The following SPEF2 variants were observed in gnomAD, a reference collection of about 807,000 sequenced individuals.
The protein encoded by SPEF2 is sperm flagella and cilia-associated protein 2.
SPEF2 carries 187 observed loss-of-function variants against 224.6 expected under a neutral mutation model. That is an observed-to-expected ratio of 0.83 (90% CI 0.74 to 0.94). The LOEUF is 0.94. Ranked by LOEUF, SPEF2 falls within the 40% of genes least tolerant of loss-of-function variation. The pLI is 0.00. For missense variants in SPEF2, 2,170 were observed against 2,135.6 expected, an observed-to-expected ratio of 1.02 and a Z score of -0.32; for synonymous variants, 715 against 707.3, an observed-to-expected ratio of 1.01 and a Z score of -0.17.
At chr5:35,757,588 C>T (rs915875810) in intron 24 of SPEF2, among the ~76,000 whole-genome samples, 2 of 152,088 alleles carry the variant, frequency 1.3e-5, no homozygotes, top group Non-Finnish European at 2.9e-5. Context: ...TGTCATTCTG[C>T]AAGTTCTTAT....
chr5:35,787,845 C>A, intron 30 of SPEF2: 1 of 552,602 alleles, frequency 1.8e-6, no homozygotes, highest in South Asian at 2.7e-5. Flanking sequence ...CTTAAAATAA[C>A]AATGTGGAGT....
chr5:35,800,043 G>A lies in SPEF2; in HGVS notation c.4906G>A (p.Ala1636Thr). ...LDYTQMLLYFACHPDTVEGVY... is the reference protein window; with the variant it reads ...LDYTQMLLYFTCHPDTVEGVY... ...CTACACACAGATGCTGCTTTACTTTGCTTGCCACCCAGACACCGTGGAAGG... is the reference window on the plus strand; with the variant it reads ...CTACACACAGATGCTGCTTTACTTTACTTGCCACCCAGACACCGTGGAAGG... The change falls in exon 34 of 37, where the codon GCT (alanine) becomes ACT (threonine). Residue 1636 changes from alanine (A) to threonine (T), a missense_variant. Ala to Thr is a moderately conservative substitution (Grantham distance 58, BLOSUM62 0). Transcript: ENST00000356031. 1.2e-6 allele frequency: 2 copies of A among 1,614,092 alleles called. No homozygotes were observed. The highest frequency in any genetic ancestry group is 1.3e-5 in the African/African-American group (1 of 75,024).
intron 3 of SPEF2, among the ~76,000 whole-genome samples, chr5:35,643,224 A>G (rs905394488): frequency 6.6e-6 from 1 of 152,210 alleles, no homozygotes; most frequent in Admixed American, 6.5e-5. Context: ...TCAAGCGTCA[A>G]TAATTCATTC....
intron 21 of SPEF2, among the ~76,000 whole-genome samples, chr5:35,735,594 G>C (rs370710523): frequency 3.5e-4 from 53 of 152,306 alleles, no homozygotes; most frequent in African/African-American, 1.3e-3. Flanking sequence ...TTTCTTGATT[G>C]GAGAGGAAAT....
rs756097581 is a variant in SPEF2, at chr5:35,649,452, A to G, written c.791+27A>G. Reference sequence around the variant, plus strand: ...TGAGATGTGAGCTATTTTAAGAATTACAAAACCGCATTCTGTTCTACACAT... The same window carrying G: ...TGAGATGTGAGCTATTTTAAGAATTGCAAAACCGCATTCTGTTCTACACAT... On this transcript the variant is annotated intron_variant, in intron 6 of 36. Coordinates refer to ENST00000356031, the MANE Select transcript of SPEF2 (RefSeq NM_024867.4). 3.8e-5 allele frequency: 59 copies of G among 1,556,900 alleles called. No homozygotes were observed. The South Asian group carries it at 5.8e-4, about 15-fold the overall frequency.
chr5:35,661,233 A>T (rs1467436126), intron 8 of SPEF2, among the ~76,000 whole-genome samples: 2 of 128,768 alleles, frequency 1.6e-5, no homozygotes, highest in Non-Finnish European at 3.3e-5. Context: ...TGAAGAAAGG[A>T]GGTTTTTTTT....
At chr5:35,629,974 G>A (rs988726279) in intron 2 of SPEF2, among the ~76,000 whole-genome samples, 1 of 152,008 alleles carries the variant, frequency 6.6e-6, no homozygotes. Context: ...ATCCTCTGTT[G>A]GTATTCTTGG....
chr5:35,735,392 T>G (rs1746413388), intron 21 of SPEF2, among the ~76,000 whole-genome samples: 1 of 152,232 alleles, frequency 6.6e-6, no homozygotes, highest in Non-Finnish European at 1.5e-5. Context: ...GTGAATGTAG[T>G]CTGTCCTTCT....
At chr5:35,774,091 T>C in intron 28 of SPEF2, 70 bp downstream of exon 28, 2 of 1,555,698 alleles carry the variant, frequency 1.3e-6, no homozygotes, top group Non-Finnish European at 1.7e-6. Flanking sequence ...AGCCCACAAC[T>C]GGCTCATCAA....
At chr5:35,629,490 A>G (rs1398409146) in intron 2 of SPEF2, among the ~76,000 whole-genome samples, 2 of 152,122 alleles carry the variant, frequency 1.3e-5, no homozygotes, top group African/African-American at 4.8e-5. Flanking sequence ...GTGAAACAAC[A>G]TATAGTGCTT....
chr5:35,802,765 G>A (rs962166375), intron 34 of SPEF2, among the ~76,000 whole-genome samples: 5 of 152,190 alleles, frequency 3.3e-5, no homozygotes, highest in Non-Finnish European at 5.9e-5. Flanking sequence ...AGCTGGAGAG[G>A]ACCAGGCTGA....
chr5:35,705,106 A>G (rs2149577045), intron 17 of SPEF2, among the ~76,000 whole-genome samples: 1 of 152,164 alleles, frequency 6.6e-6, no homozygotes, highest in East Asian at 1.9e-4. Context: ...ATTTTATGAA[A>G]CCCTGAAAAG....
At chr5:35,717,131 A>G (rs1453731843) in intron 20 of SPEF2, among the ~76,000 whole-genome samples, 1 of 152,254 alleles carries the variant, frequency 6.6e-6, no homozygotes, top group African/African-American at 2.4e-5. Context: ...AAAGTTTTCA[A>G]TAATCAACTA....
rs905563480 is a variant in SPEF2 at position 35,740,414 on chromosome 5, G to A, written c.3330+147G>A. ...ACTATTAACCAGGTAACTTTCAAGA[G>A]CAGTGGCTTTTCCGCACTTTGAGTT... On this transcript the variant is annotated intron_variant, in intron 23 of 36. Coordinates refer to ENST00000356031, the MANE Select transcript of SPEF2 (RefSeq NM_024867.4). The A allele has an allele frequency of 1.5e-5, 16 of 1,065,480 alleles. No individual in the cohort carries two copies. The Admixed American group carries it at 3.4e-4, about 23-fold the overall frequency. 66.0% of individuals were successfully genotyped at this position (1,065,480 alleles called of 1,614,324 possible). A position where few individuals can be genotyped will look rare whatever the true frequency, so the allele number is the denominator to read the frequency against.
At chr5:35,622,718 C>T (rs1244371615) in intron 1 of SPEF2, among the ~76,000 whole-genome samples, 1 of 152,098 alleles carries the variant, frequency 6.6e-6, no homozygotes, top group Non-Finnish European at 1.5e-5. Flanking sequence ...TCCTGGCTAG[C>T]CTCGCAGCGT....
chr5:35,654,517 A>G (rs1748684322), intron 6 of SPEF2, 23 bp from the exon 7 acceptor site: 1 of 1,518,454 alleles, frequency 6.6e-7, no homozygotes, highest in South Asian at 1.4e-5. Context: ...TTAAAAATCT[A>G]AAATAAAAAC....
In SPEF2 at chr5:35,814,507, G is replaced by C; in HGVS notation, c.5423G>C (p.Ser1808Thr). 6.2e-7 allele frequency: 1 copy of C among 1,609,610 alleles called. No homozygotes were observed. The highest frequency in any genetic ancestry group is 8.5e-7 in the Non-Finnish European group (1 of 1,177,452). ...ILQRSEHVQG[S>T]DGERSPSRHT... ...CAAAGGAGTGAACATGTACAAGGAAGTGATGGAGAGAGATCACCTTCAAGA... is the reference window on the plus strand; with the variant it reads ...CAAAGGAGTGAACATGTACAAGGAACTGATGGAGAGAGATCACCTTCAAGA... The change falls in exon 37 of 37, where the codon AGT becomes ACT. Residue 1808 changes from serine (S) to threonine (T), a missense_variant. Transcript: ENST00000356031.
chr5:35,765,094 C>T (rs1207923859), intron 26 of SPEF2, among the ~76,000 whole-genome samples: 3 of 152,120 alleles, frequency 2.0e-5, no homozygotes, highest in Non-Finnish European at 2.9e-5. Flanking sequence ...GACCAACATA[C>T]TGCCTTTTTA....
chr5:35,689,499 A>G (rs1754136193), intron 10 of SPEF2, among the ~76,000 whole-genome samples: 1 of 151,516 alleles, frequency 6.6e-6, no homozygotes, highest in Admixed American at 6.6e-5. Flanking sequence ...TAGCCCTTGC[A>G]CTCTCCCCAT....
Sources: allele counts gnomAD v4.1 joint callset (sites outside exome capture counted in the v4.1 genomes callset), GRCh38; gene constraint gnomAD v4.1.1; transcripts MANE v1.5; gene names NCBI Gene and HGNC (gene_info 2026-07-23, HGNC 2026-07-21).